Variants in MCTP2 observed in about 807,000 individuals in gnomAD.
MCTP2 encodes the protein multiple C2 and transmembrane domain-containing protein 2.
Under a neutral mutation model 111.6 loss-of-function variants are expected in MCTP2, and 132 were observed. The ratio of observed to expected loss-of-function variants is 1.18; its 90% CI spans 1.03 to 1.37. The LOEUF (loss-of-function observed/expected upper bound fraction) is 1.37, where lower values mean the gene tolerates loss of function less well. Ranked by LOEUF, MCTP2 falls within the 40% of genes most tolerant of loss-of-function variation. The probability of loss-of-function intolerance (pLI) is 0.00; values close to 1 mark genes in which losing one functional copy is unlikely to be tolerated. For synonymous variants in MCTP2, 395 were observed against 387.7 expected (o/e 1.02, Z -0.22); for missense variants, 1,183 against 1,067.9 (o/e 1.11, Z -1.50).
At chr15:94,272,276 A>G (rs2073946001) in intron 1 of MCTP2, among the ~76,000 whole-genome samples, 1 of 152,192 alleles carries the variant, frequency 6.6e-6, no homozygotes, top group African/African-American at 2.4e-5. Context: ...GATAATAACT[A>G]TTCTTCTAAG....
chr15:94,318,230 A>T (rs553743686), intron 4 of MCTP2, among the ~76,000 whole-genome samples: 1 of 149,320 alleles, frequency 6.7e-6, no homozygotes, highest in Non-Finnish European at 1.5e-5. Flanking sequence ...TTCTCAAGCT[A>T]CATGTCCTGT....
chr15:94,298,094 G>A, intron 1 of MCTP2, 107 bp from the exon 2 acceptor site: 1 of 499,622 alleles, frequency 2.0e-6, no homozygotes, highest in South Asian at 3.6e-5. Context: ...GAAACTGTAA[G>A]ATTTTTGAGT....
chr15:94,335,168 A>G (rs1322820296), intron 4 of MCTP2, among the ~76,000 whole-genome samples: 3 of 152,108 alleles, frequency 2.0e-5, no homozygotes, highest in Non-Finnish European at 4.4e-5. Context: ...CTGCTGTCAG[A>G]TTTATATTTC....
At chr15:94,250,200 T>C (rs888843517) in intron 1 of MCTP2, among the ~76,000 whole-genome samples, 1 of 152,232 alleles carries the variant, frequency 6.6e-6, no homozygotes, top group Non-Finnish European at 1.5e-5. Flanking sequence ...AATTCATTTT[T>C]AATGGCTGCA....
intron 1 of MCTP2, among the ~76,000 whole-genome samples, chr15:94,245,040 G>A (rs1364729082): frequency 1.0e-4 from 15 of 148,360 alleles, no homozygotes; most frequent in East Asian, 4.0e-4. Context: ...GTTTATATAC[G>A]TATATGTATA....
intron 1 of MCTP2, among the ~76,000 whole-genome samples, chr15:94,250,865 G>A (rs2072366068): frequency 6.6e-6 from 1 of 152,188 alleles, no homozygotes; most frequent in Admixed American, 6.5e-5. Flanking sequence ...TATGAAATGT[G>A]AATTGGTGTT....
At chr15:94,258,730 A>G (rs2073004781) in intron 1 of MCTP2, among the ~76,000 whole-genome samples, 1 of 152,214 alleles carries the variant, frequency 6.6e-6, no homozygotes, top group Admixed American at 6.5e-5. Context: ...TTCTTTCTAA[A>G]AGGAGAGATA....
rs2074686182 is a variant in MCTP2 at position 94,480,764 on chromosome 15, CTTAT to C, written c.*1738_*1741del. On this transcript the variant is annotated 3_prime_UTR_variant, in exon 23 of 23. Coordinates refer to ENST00000357742, the MANE Select transcript of MCTP2 (RefSeq NM_001385001.1). The stretch of plus-strand genomic sequence containing the variant: ...AAAACTTTCAGCAGCAAAATAACCC[CTTAT>C]TTATTTAAAAGTGGAACCAATACTT... The C allele has an allele frequency of 1.3e-5, 2 of 152,156 alleles. No homozygotes were observed. The highest frequency in any genetic ancestry group is 4.8e-5 in the African/African-American group (2 of 41,430). 9.4% of individuals were successfully genotyped at this position (152,156 alleles called of 1,614,324 possible). A position where few individuals can be genotyped will look rare whatever the true frequency, so the allele number is the denominator to read the frequency against.
At chr15:94,380,698 G>A (rs760007979) in intron 12 of MCTP2, among the ~76,000 whole-genome samples, 33 of 152,008 alleles carry the variant, frequency 2.2e-4, no homozygotes, top group Non-Finnish European at 4.7e-4. Flanking sequence ...AACCCAGGAG[G>A]CAGAGGCTGC....
intron 1 of MCTP2, among the ~76,000 whole-genome samples, chr15:94,257,098 T>G (rs1003620112): frequency 4.6e-5 from 7 of 152,198 alleles, no homozygotes; most frequent in African/African-American, 1.4e-4. Flanking sequence ...GTTGACCTCT[T>G]TGCTGTTAGA....
chr15:94,383,670 G>A (rs561016776), intron 12 of MCTP2, among the ~76,000 whole-genome samples: 22 of 152,192 alleles, frequency 1.4e-4, no homozygotes, highest in Non-Finnish European at 2.8e-4. Context: ...TCTCTACCAT[G>A]AGAACAGTAT....
chr15:94,326,845 G>T (rs1391343514), intron 4 of MCTP2, among the ~76,000 whole-genome samples: 1 of 68,222 alleles, frequency 1.5e-5, no homozygotes, highest in Non-Finnish European at 2.8e-5. Context: ...GCCTCCCAAA[G>T]TGCTGGGATT....
chr15:94,270,139 T>C (rs1475881163), intron 1 of MCTP2, among the ~76,000 whole-genome samples: 13 of 152,072 alleles, frequency 8.5e-5, no homozygotes, highest in Admixed American at 5.9e-4. Context: ...TGCTGACACA[T>C]AGGAGATGGG....
chr15:94,332,104 G>T (rs1180886874), intron 4 of MCTP2, among the ~76,000 whole-genome samples: 1 of 152,132 alleles, frequency 6.6e-6, no homozygotes, highest in Non-Finnish European at 1.5e-5. Flanking sequence ...CTGCATGGGA[G>T]AAGTTCCTTC....
chr15:94,277,822 T>C (rs1187410620), intron 1 of MCTP2, among the ~76,000 whole-genome samples: 1 of 152,194 alleles, frequency 6.6e-6, no homozygotes, highest in African/African-American at 2.4e-5. Flanking sequence ...ATTTACACTA[T>C]AGATTTAGTT....
intron 8 of MCTP2, among the ~76,000 whole-genome samples, chr15:94,347,962 G>A (rs1238627757): frequency 6.6e-6 from 1 of 151,906 alleles, no homozygotes; most frequent in Non-Finnish European, 1.5e-5. Flanking sequence ...GTGTATAGGT[G>A]TTATGTCTGA....
chr15:94,301,634 C>T (rs774711546), intron 2 of MCTP2, among the ~76,000 whole-genome samples: 2 of 152,166 alleles, frequency 1.3e-5, no homozygotes, highest in Non-Finnish European at 2.9e-5. Flanking sequence ...ATGATAGCAA[C>T]GTGTGCATTC....
intron 1 of MCTP2, among the ~76,000 whole-genome samples, chr15:94,285,482 A>T (rs192781985): frequency 1.3e-5 from 2 of 151,960 alleles, no homozygotes; most frequent in East Asian, 3.9e-4. Flanking sequence ...TAGCAACCTC[A>T]GACTAGCTAA....
chr15:94,341,479 A>G (rs573273935), intron 7 of MCTP2: 2 of 152,386 alleles, frequency 1.3e-5, no homozygotes, highest in East Asian at 3.9e-4. Context: ...TTTGAAAAGT[A>G]TTTTTAAAGC....
Sources: allele counts gnomAD v4.1 joint callset (sites outside exome capture counted in the v4.1 genomes callset), GRCh38; gene constraint gnomAD v4.1.1; transcripts MANE v1.5; gene names NCBI Gene and HGNC (gene_info 2026-07-23, HGNC 2026-07-21).